CALM2: variants seen among roughly 807,000 people sequenced by gnomAD.
CALM2 encodes the protein calmodulin 2, also known as calmodulin-2.
A neutral mutation model predicts 19.8 loss-of-function variants in CALM2; 2 were observed. That is an observed-to-expected ratio of 0.10 (90% CI 0.04 to 0.32). The LOEUF is 0.32. CALM2 is among the 10% of genes least tolerant of loss of function. The pLI, the probability that CALM2 is intolerant of heterozygous loss-of-function variation, is 1.00. For synonymous variants in CALM2, 51 were observed against 52.1 expected, an observed-to-expected ratio of 0.98 and a Z score of 0.09; for missense variants, 38 against 178.7, an observed-to-expected ratio of 0.21 and a Z score of 4.49.
intron 1 of CALM2, chr2:47,172,996 A>AAG (rs1051925203): frequency 6.6e-6 from 1 of 152,228 alleles, no homozygotes; most frequent in Non-Finnish European, 1.5e-5. Context: ...GCAATCTTGG[A>AAG]AGAGATCACA....
At chr2:47,171,994 A>G (rs1666683578) in intron 1 of CALM2, 1 of 151,770 alleles carries the variant, frequency 6.6e-6, no homozygotes. Context: ...AAAAAAAAAA[A>G]AAAAAAAAAA....
intron 1 of CALM2, among the ~76,000 whole-genome samples, chr2:47,175,419 AC>A (rs1476703587): frequency 6.6e-6 from 1 of 152,120 alleles, no homozygotes; most frequent in Non-Finnish European, 1.5e-5. Context: ...GAAGGCAGTC[AC>A]TCCGGAGCCT....
At chr2:47,176,669 G>A, upstream of CALM2, 2 of 1,442,224 alleles carry the variant, frequency 1.4e-6, no homozygotes, top group East Asian at 5.1e-5. Context: ...TGGTCGATGA[G>A]GCAAGAGATC....
At chr2:47,168,653 C>T (rs188809404) in intron 2 of CALM2, among the ~76,000 whole-genome samples, 2 of 152,188 alleles carry the variant, frequency 1.3e-5, no homozygotes, top group Admixed American at 6.5e-5. Context: ...CAGCTTGAAC[C>T]CGGGAGACAG....
At chr2:47,170,843 T>C in intron 1 of CALM2, 79 bp from the exon 2 acceptor site, 1 of 1,133,348 alleles carries the variant, frequency 8.8e-7, no homozygotes, top group South Asian at 1.2e-5. Flanking sequence ...TTAAAACCTT[T>C]CAAGGGTTAC....
intron 2 of CALM2, chr2:47,167,814 C>CTTTTCTTTTCT: frequency 1.0e-5 from 1 of 96,526 alleles, no homozygotes; most frequent in Non-Finnish European, 1.8e-5. Flanking sequence ...TTTTTCTTTT[C>CTTTTCTTTTCT]TTTGAGACAG....
intron 2 of CALM2, among the ~76,000 whole-genome samples, chr2:47,167,153 T>C (rs1392131538): frequency 1.3e-5 from 2 of 152,232 alleles, no homozygotes; most frequent in Non-Finnish European, 2.9e-5. Context: ...GGAACTCTTT[T>C]GGCGCTTCAT....
At chr2:47,176,542 A>G (rs780373435), upstream of CALM2, 2 of 1,571,902 alleles carry the variant, frequency 1.3e-6, no homozygotes. Flanking sequence ...AGCGCCTCAT[A>G]AACACCTCCC....
chr2:47,172,547 C>T, intron 1 of CALM2: 1 of 1,060,922 alleles, frequency 9.4e-7, no homozygotes, highest in Non-Finnish European at 1.3e-6. Context: ...TCAATTTCCA[C>T]ACCGAATGTA....
At chr2:47,164,979 T>A (rs1168699887) in intron 2 of CALM2, among the ~76,000 whole-genome samples, 2 of 152,224 alleles carry the variant, frequency 1.3e-5, no homozygotes. Flanking sequence ...TATCTTCACA[T>A]CGCTTAGCCT....
upstream of CALM2, chr2:47,176,900 C>T (rs72877091): frequency 2.0e-4 from 196 of 985,410 alleles, 2 homozygotes; most frequent in African/African-American, 3.1e-3. Context: ...GGTGCGGCTT[C>T]TGCCGTTGCT....
chr2:47,163,012 C>G (rs1256509175), intron 2 of CALM2: 2 of 166,800 alleles, frequency 1.2e-5, no homozygotes, highest in Non-Finnish European at 2.6e-5. Context: ...AGGAAAAGAA[C>G]CAAATCCCCA....
chr2:47,175,757 C>A (rs1053622036), intron 1 of CALM2, among the ~76,000 whole-genome samples: 2 of 149,936 alleles, frequency 1.3e-5, no homozygotes, highest in Non-Finnish European at 3.0e-5. Context: ...GCCAGCAGAG[C>A]AGCTGGAGCT....
chr2:47,176,736 AAGGCCGGTG>A, upstream of CALM2: 3 of 1,366,168 alleles, frequency 2.2e-6, no homozygotes, highest in Non-Finnish European at 2.8e-6. Context: ...GAGCCGTTAA[AAGGCCGGTG>A]GAGCGGCCCC....
Position 47,160,850 on chromosome 2 carries a change from CAAAAAAAAAAAA to C in CALM2, c.422-58_422-47del. On this transcript the variant is annotated intron_variant, in intron 5 of 5. Coordinates refer to ENST00000272298, the MANE Select transcript of CALM2 (RefSeq NM_001743.6). Reference sequence around the variant, plus strand: ...AAAAAATGAGTCAATAGCAAAAGACCAAAAAAAAAAAAAAAAAAAAAAAATCACATTTACTCA... The same window carrying C: ...AAAAAATGAGTCAATAGCAAAAGACCAAAAAAAAAAAATCACATTTACTCA... The C allele has an allele frequency of 1.6e-5, 6 of 370,248 alleles. No homozygotes were observed. In the South Asian group the frequency reaches 3.0e-4, roughly 19 times the overall value. 22.9% of individuals were successfully genotyped at this position (370,248 alleles called of 1,614,324 possible).
In CALM2 at chr2:47,162,281, C is replaced by G. The variant is rs760654198; in HGVS notation, c.285+5G>C. 1 of 1,554,560 alleles carries G rather than the reference C, an allele frequency of 6.4e-7. No homozygotes were observed. The highest frequency in any genetic ancestry group is 8.8e-7 in the Non-Finnish European group (1 of 1,136,856). On this transcript the variant is annotated splice_donor_5th_base_variant and intron_variant, in intron 4 of 5. Transcript: ENST00000272298. ...AAAATTTAACATATCCAGTCCTTGA[C>G]GTACCTTATCAAACACACGGAATGC...
chr2:47,167,854 G>C (rs1666539509), intron 2 of CALM2, among the ~76,000 whole-genome samples: 2 of 107,006 alleles, frequency 1.9e-5, no homozygotes, highest in African/African-American at 3.9e-5. Flanking sequence ...GACTGGTCTT[G>C]AACTCCTGGG....
chr2:47,170,216 G>A (rs955642036), intron 2 of CALM2, among the ~76,000 whole-genome samples: 6 of 152,190 alleles, frequency 3.9e-5, no homozygotes, highest in African/African-American at 1.4e-4. Context: ...TTGCTACAGT[G>A]ACATTTATAG....
At chr2:47,162,800 A>G in intron 2 of CALM2, 138 bp from the exon 3 acceptor site, 1 of 650,134 alleles carries the variant, frequency 1.5e-6, no homozygotes, top group Non-Finnish European at 2.5e-6. Flanking sequence ...GCCTGGCCAA[A>G]CTGTAAGACC....
Sources: gnomAD v4.1 joint callset for allele counts (sites outside exome capture counted in the v4.1 genomes callset) on GRCh38, gnomAD v4.1.1 for gene constraint, MANE v1.5 for transcripts, NCBI Gene and HGNC (gene_info 2026-07-23, HGNC 2026-07-21) for gene names.